The following MPP4 variants were observed in gnomAD, a reference collection of about 807,000 sequenced individuals.
MPP4 encodes MAGUK p55 subfamily member 4.
MPP4 carries 91 observed loss-of-function variants against 98.3 expected under a neutral mutation model. The observed-to-expected ratio is 0.93, with a 90% CI of 0.78 to 1.10. MPP4 has a LOEUF of 1.10. Ranked by LOEUF, MPP4 falls within the 50% of genes least tolerant of loss-of-function variation. MPP4 has a pLI of 0.00. For synonymous variants in MPP4, 261 were observed against 271.8 expected (o/e 0.96, Z 0.39); for missense variants, 744 against 792.9 (o/e 0.94, Z 0.74).
chr2:201,693,926 G>A lies in MPP4; in HGVS notation c.29C>T (p.Pro10Leu). Residue 10 changes from proline (P) to leucine (L), a missense_variant, in exon 2 of 22, where the codon CCA becomes CTA. Pro to Leu is a moderately conservative substitution (Grantham distance 98). Coordinates refer to ENST00000409474, the MANE Select transcript of MPP4 (RefSeq NM_033066.3). MIQSDKGADPPDKKDMKLST... is the reference protein window; with the variant it reads MIQSDKGADLPDKKDMKLST... ...AAGCTTCATGTCCTTCTTGTCTGGT[G>A]GATCTGCTCCTTTGTCTGACTGTAT... The A allele has an allele frequency of 6.2e-7, 1 of 1,613,948 alleles. No homozygotes were observed. The highest frequency in any genetic ancestry group is 8.5e-7 in the Non-Finnish European group (1 of 1,179,858).
At chr2:201,645,426 A>G (rs1353124258) in intron 21 of MPP4, 22 bp from the exon 22 acceptor site, 5 of 1,601,334 alleles carry the variant, frequency 3.1e-6, no homozygotes, top group South Asian at 1.1e-5. Flanking sequence ...ATAGAAAAAT[A>G]TGGATAGTAC....
At position 201,692,894 on chromosome 2, in the gene MPP4, AAAG is replaced by A. The variant is rs1204176940; in HGVS notation, c.201+11_201+13del. On this transcript the variant is annotated intron_variant, in intron 3 of 21. Transcript: ENST00000409474. ...CTTCAGCAAGCAAAGGCTTCCGAGCAAAGAAGCACTCACCTTTAGCAGAGCCTG... is the reference window on the plus strand; with the variant it reads ...CTTCAGCAAGCAAAGGCTTCCGAGCAAAGCACTCACCTTTAGCAGAGCCTG... 1.2e-6 allele frequency: 2 copies of A among 1,604,180 alleles called. No homozygotes were observed. The highest frequency in any genetic ancestry group is 1.7e-6 in the Non-Finnish European group (2 of 1,175,550).
In MPP4 at chr2:201,672,658, G is replaced by T. The variant is rs373582321; in HGVS notation, c.994+2549C>A. ...AATAAACTAGAAAATCTAGAGAAAT[G>T]GATAAATTCCTGGACACATGCACCC... On this transcript the variant is annotated intron_variant, in intron 11 of 21. Coordinates refer to ENST00000409474, the MANE Select transcript of MPP4 (RefSeq NM_033066.3). Among the ~76,000 whole-genome samples, 460 of 152,216 alleles carry T rather than the reference G, an allele frequency of 3.0e-3. 5 individuals carry two copies. The highest frequency in any genetic ancestry group is 0.011 in the African/African-American group (448 of 41,520).
chr2:201,650,501 G>A (rs889931871), intron 18 of MPP4: 1 of 985,254 alleles, frequency 1.0e-6, no homozygotes, highest in Non-Finnish European at 1.2e-6. Flanking sequence ...CTCCCAGGTA[G>A]CAATACCAAT....
chr2:201,664,851 G>A (rs1688126968), intron 13 of MPP4, among the ~76,000 whole-genome samples: 1 of 152,054 alleles, frequency 6.6e-6, no homozygotes, highest in African/African-American at 2.4e-5. Flanking sequence ...ATAAATGATT[G>A]TATAAGTATA....
chr2:201,692,356 C>T lies in MPP4; in HGVS notation c.201+552G>A, dbSNP rs192595920. Among the ~76,000 whole-genome samples, 164 of 152,164 alleles carry T rather than the reference C, an allele frequency of 1.1e-3. 1 individual carries two copies. Among genetic ancestry groups the T allele is most frequent in the African/African-American group, 3.8e-3 (156 of 41,504 alleles). On this transcript the variant is annotated intron_variant, in intron 3 of 21. Transcript: ENST00000409474. ...GTCAGGAGTTTGAGACCAGCCTGGCCAACATGGTGAAACCCCATCTCTATT... is the reference window on the plus strand; with the variant it reads ...GTCAGGAGTTTGAGACCAGCCTGGCTAACATGGTGAAACCCCATCTCTATT...
At chr2:201,692,588 G>A (rs1689066407) in intron 3 of MPP4, among the ~76,000 whole-genome samples, 1 of 150,834 alleles carries the variant, frequency 6.6e-6, no homozygotes, top group African/African-American at 2.4e-5. Flanking sequence ...GAGCCGATAG[G>A]TCATCAGGGC....
intron 7 of MPP4, 44 bp downstream of exon 7, chr2:201,685,020 T>C: frequency 1.3e-6 from 2 of 1,503,392 alleles, no homozygotes; most frequent in Non-Finnish European, 1.8e-6. Flanking sequence ...GTCAAGGGTT[T>C]CCTGTTTTTC....
At position 201,694,049 on chromosome 2, in the gene MPP4, A is replaced by T; in HGVS notation, c.-95T>A. The T allele has an allele frequency of 6.2e-7, 1 of 1,610,126 alleles. No homozygotes were observed. The highest frequency in any genetic ancestry group is 8.5e-7 in the Non-Finnish European group (1 of 1,178,156). ...TCAGTCCCACTGGCCACCAGCTCTC[A>T]GCACACTGGAATATATTTTCAATAG... On this transcript the variant is annotated 5_prime_UTR_variant, in exon 2 of 22. It removes the in-frame stop codon of an upstream open reading frame in the 5' UTR. Coordinates refer to ENST00000409474, the MANE Select transcript of MPP4 (RefSeq NM_033066.3).
At chr2:201,660,263 C>A in intron 15 of MPP4, 69 bp downstream of exon 15, 1 of 1,349,474 alleles carries the variant, frequency 7.4e-7, no homozygotes, top group Non-Finnish European at 1.1e-6. Flanking sequence ...GTCAAGTATT[C>A]ATTTTTGAGG....
chr2:201,691,329 G>A (rs1051377534), intron 3 of MPP4, among the ~76,000 whole-genome samples: 1 of 151,906 alleles, frequency 6.6e-6, no homozygotes, highest in African/African-American at 2.4e-5. Flanking sequence ...TTAAGTGAAG[G>A]AAATACCCAC....
intron 3 of MPP4, among the ~76,000 whole-genome samples, chr2:201,691,572 C>G (rs1689027617): frequency 6.6e-6 from 1 of 152,184 alleles, no homozygotes; most frequent in South Asian, 2.1e-4. Flanking sequence ...GGCTGGAGTG[C>G]AGTGGCTCAA....
intron 11 of MPP4, among the ~76,000 whole-genome samples, chr2:201,673,335 C>T (rs933129738): frequency 5.9e-5 from 9 of 152,096 alleles, no homozygotes; most frequent in East Asian, 1.9e-4. Context: ...AACCAAACAC[C>T]GCATTTTCTC....
chr2:201,693,876 C>A lies in MPP4; in HGVS notation c.79G>T (p.Gly27Cys), dbSNP rs1465972535. 6.2e-7 allele frequency: 1 copy of A among 1,613,904 alleles called. No individual in the cohort carries two copies. The highest frequency in any genetic ancestry group is 8.5e-7 in the Non-Finnish European group (1 of 1,179,822). ...KLSTATNPQN[G>C]LSQILRLVLQ... ...GAAAAGGAGTCCTGGTGACACATAC[C>A]ATTCTGTGGATTGGTGGCTGTAGAA... Residue 27 changes from glycine to cysteine, a missense_variant and splice_region_variant, in exon 2 of 22, where the codon GGC (glycine) becomes TGC (cysteine). Coordinates refer to ENST00000409474, the MANE Select transcript of MPP4 (RefSeq NM_033066.3).
At chr2:201,690,539 G>T (rs1252604192) in intron 3 of MPP4, among the ~76,000 whole-genome samples, 1 of 152,166 alleles carries the variant, frequency 6.6e-6, no homozygotes, top group Non-Finnish European at 1.5e-5. Context: ...GTAATAAAAA[G>T]AAATTCAAAC....
intron 8 of MPP4, among the ~76,000 whole-genome samples, 167 bp downstream of exon 8, chr2:201,682,664 A>G (rs1688698252): frequency 6.6e-6 from 1 of 152,170 alleles, no homozygotes; most frequent in Non-Finnish European, 1.5e-5. Flanking sequence ...GAGGGAGGTC[A>G]GCAAGTGACA....
intron 11 of MPP4, among the ~76,000 whole-genome samples, chr2:201,670,760 TG>T (rs768784723): frequency 4.7e-4 from 72 of 152,344 alleles, no homozygotes; most frequent in Non-Finnish European, 9.3e-4. Flanking sequence ...AGATGTTAAG[TG>T]GCTGGCAAGA....
chr2:201,690,179 C>G, intron 4 of MPP4, 23 bp downstream of exon 4: 2 of 1,542,746 alleles, frequency 1.3e-6, no homozygotes, highest in Non-Finnish European at 1.8e-6. Flanking sequence ...GCTCTACTAT[C>G]CTGTGGAATA....
intron 11 of MPP4, among the ~76,000 whole-genome samples, chr2:201,673,912 C>A (rs375997420): frequency 2.0e-5 from 3 of 152,212 alleles, no homozygotes; most frequent in African/African-American, 7.2e-5. Flanking sequence ...CCCTCCCTTA[C>A]CCCCTTTCCA....
Sources: gnomAD v4.1 joint callset for allele counts (sites outside exome capture counted in the v4.1 genomes callset) on GRCh38, gnomAD v4.1.1 for gene constraint, MANE v1.5 for transcripts, NCBI Gene and HGNC (gene_info 2026-07-23, HGNC 2026-07-21) for gene names.